Variants in ZNF536 observed in about 807,000 individuals in gnomAD.
ZNF536 encodes the protein zinc finger protein 536.
ZNF536 carries 13 observed loss-of-function variants against 84.5 expected under a neutral mutation model. The ratio of observed to expected loss-of-function variants is 0.15; its 90% CI spans 0.10 to 0.24. ZNF536 has a LOEUF of 0.24. Ranked by LOEUF, ZNF536 falls within the 10% of genes least tolerant of loss-of-function variation. The pLI is 1.00. For synonymous variants in ZNF536, 811 were observed against 742.5 expected (o/e 1.09, Z -1.50); for missense variants, 1,536 against 1,747.5 (o/e 0.88, Z 2.16).
intron 1 of ZNF536, among the ~76,000 whole-genome samples, chr19:30,618,760 A>G (rs954484924): frequency 6.6e-6 from 1 of 151,616 alleles, no homozygotes; most frequent in African/African-American, 2.4e-5. Context: ...TGTTTATTTT[A>G]TTTGTTCCTT....
At chr19:30,667,625 C>CTTT (rs57656065) in intron 1 of ZNF536, among the ~76,000 whole-genome samples, 17 of 124,028 alleles carry the variant, frequency 1.4e-4, no homozygotes, top group Middle Eastern at 8.5e-3. Context: ...TTTTTTCTAG[C>CTTT]TTTTTTTTTT....
In ZNF536 at chr19:30,609,051, C is replaced by T. The variant is rs142718611; in HGVS notation, c.169+59537C>T. 3.4e-3 allele frequency among the ~76,000 whole-genome samples: 524 copies of T among 152,324 alleles called. 4 individuals are homozygous for T. Among genetic ancestry groups the T allele is most frequent in the African/African-American group, 0.012 (501 of 41,582 alleles). Reference sequence around the variant, plus strand: ...CAACATGGTAACTGCTTGCTGAATTCGATGGATAGGAACAGCTAGCAAAGT... The same window carrying T: ...CAACATGGTAACTGCTTGCTGAATTTGATGGATAGGAACAGCTAGCAAAGT... On this transcript the variant is annotated intron_variant, in intron 1 of 1. Coordinates refer to the ZNF536 transcript ENST00000592773.
At chr19:30,703,327 T>C (rs1452930528) in intron 1 of ZNF536, among the ~76,000 whole-genome samples, 1 of 152,158 alleles carries the variant, frequency 6.6e-6, no homozygotes, top group Non-Finnish European at 1.5e-5. Context: ...TGGCAGGTGT[T>C]ACGGGAGCTC....
At chr19:30,633,867 C>A (rs1195611224) in intron 1 of ZNF536, among the ~76,000 whole-genome samples, 1 of 152,116 alleles carries the variant, frequency 6.6e-6, no homozygotes, top group Non-Finnish European at 1.5e-5. Context: ...AGCCATTACA[C>A]CTGGCCAATA....
At position 30,261,650 on chromosome 19, in the gene ZNF536, G is replaced by T. The variant is rs573028747; in HGVS notation, c.-189-22422G>T. ...AGAGTTCAAAGCTCCAGTGAGCTAT[G>T]ATCGCACCACTGCACTCCAGCCTGG... On this transcript the variant is annotated intron_variant, in intron 1 of 5. Coordinates refer to the ZNF536 transcript ENST00000585628. Among the ~76,000 whole-genome samples the T allele has an allele frequency of 2.9e-5, 4 of 140,256 alleles. No homozygotes were observed. In the East Asian group the frequency reaches 8.7e-4, roughly 31 times the overall value. The allele number at this position is 140,256 out of a possible 152,430, so 92.0% of individuals were successfully genotyped here.
rs1055958207 is a variant in ZNF536 at position 30,267,319 on chromosome 19, A to C, written c.-189-16753A>C. Among the ~76,000 whole-genome samples, 4 of 152,220 alleles carry C rather than the reference A, an allele frequency of 2.6e-5. No homozygotes were observed. In the South Asian group the frequency reaches 8.3e-4, roughly 32 times the overall value. The stretch of plus-strand genomic sequence containing the variant: ...AATACATTCCTGATTACTTAGAGAA[A>C]ATATATGTAACAGTGTGACTGTTCC... On this transcript the variant is annotated intron_variant, in intron 1 of 5. Coordinates refer to the ZNF536 transcript ENST00000585628.
chr19:30,451,656 A>G (rs552779287), intron 2 of ZNF536, among the ~76,000 whole-genome samples: 2 of 152,244 alleles, frequency 1.3e-5, no homozygotes, highest in East Asian at 3.9e-4. Flanking sequence ...CAGGCAGGAC[A>G]TGGTTTTGCT....
chr19:30,481,854 G>C (rs530234321), intron 2 of ZNF536, among the ~76,000 whole-genome samples: 7 of 151,650 alleles, frequency 4.6e-5, no homozygotes, highest in Admixed American at 2.6e-4. Flanking sequence ...AAAGTCCATC[G>C]TATCATTCTT....
rs2052276656 is a variant in ZNF536, at chr19:30,445,402, C to T, written c.1840C>T (p.Gln614Ter). 6.2e-7 allele frequency: 1 copy of T among 1,614,214 alleles called. No individual in the cohort carries two copies. The change falls in exon 2 of 5, where the codon CAG becomes TAG. Residue 614 changes from glutamine to a stop codon, truncating the protein, a stop_gained. Coordinates refer to ENST00000355537, the MANE Select transcript of ZNF536 (RefSeq NM_014717.3). LOFTEE classifies it high-confidence loss of function. This position sits in a 1 kb window ranked among gnomAD's most constrained non-coding sequence, Gnocchi z 4.5. ...SRDFLSHGLN[Q>*]TLEYNLQGPG... is the part of the protein sequence containing the mutation. ...GGATTTTTTGTCACACGGGCTGAAC[C>T]AGACTCTCGAGTATAACCTGCAGGG...
chr19:30,711,769 A>T (rs1307613785), exon 2 of ZNF536: 2 of 152,182 alleles, frequency 1.3e-5, no homozygotes, highest in Non-Finnish European at 2.9e-5. Context: ...TTTTAAAAAA[A>T]AATTTTGGAT....
intron 1 of ZNF536, among the ~76,000 whole-genome samples, chr19:30,374,661 C>T (rs931105269): frequency 6.7e-6 from 1 of 149,852 alleles, no homozygotes; most frequent in African/African-American, 2.5e-5. Context: ...AGAAAACAAA[C>T]CCAAGGAAAA....
At chr19:30,658,420 G>T (rs929288254) in intron 1 of ZNF536, among the ~76,000 whole-genome samples, 3 of 152,032 alleles carry the variant, frequency 2.0e-5, no homozygotes, top group Non-Finnish European at 4.4e-5. Context: ...CTCAAGCTCT[G>T]CTCCAACCCA....
At chr19:30,332,459 G>A (rs940840541) in intron 2 of ZNF536, among the ~76,000 whole-genome samples, 5 of 151,940 alleles carry the variant, frequency 3.3e-5, no homozygotes, top group South Asian at 2.1e-4. Flanking sequence ...CTGCCCATGC[G>A]TGTCCTCCTG....
intron 1 of ZNF536, among the ~76,000 whole-genome samples, chr19:30,577,095 CA>C (rs1239586018): frequency 6.6e-6 from 1 of 152,154 alleles, no homozygotes; most frequent in African/African-American, 2.4e-5. Flanking sequence ...AAGCAAAAGC[CA>C]CCAACTCTTC....
chr19:30,484,970 C>T (rs962484396), intron 2 of ZNF536, among the ~76,000 whole-genome samples: 3 of 151,714 alleles, frequency 2.0e-5, no homozygotes, highest in Admixed American at 6.6e-5. Flanking sequence ...GGTGAAACCC[C>T]GTCTCTACTA....
chr19:30,262,379 C>A (rs953083835), intron 1 of ZNF536, among the ~76,000 whole-genome samples: 1 of 152,244 alleles, frequency 6.6e-6, no homozygotes, highest in African/African-American at 2.4e-5. Flanking sequence ...CCTTGTAACT[C>A]TGGGCTGATG....
chr19:30,330,865 C>G (rs62101883), intron 2 of ZNF536, among the ~76,000 whole-genome samples: 40,250 of 152,108 alleles, frequency 0.26, 6,842 homozygotes, highest in Non-Finnish European at 0.38. Flanking sequence ...GAGTTAGGAC[C>G]TCTGATTCTC....
At chr19:30,569,945 A>G (rs911933608) in intron 1 of ZNF536, among the ~76,000 whole-genome samples, 3 of 152,132 alleles carry the variant, frequency 2.0e-5, no homozygotes, top group African/African-American at 4.8e-5. Context: ...GTTCTCAGCT[A>G]GGGGCAATGT....
chr19:30,539,961 A>G (rs1048261289), intron 3 of ZNF536, among the ~76,000 whole-genome samples: 3 of 152,246 alleles, frequency 2.0e-5, no homozygotes, highest in African/African-American at 7.2e-5. Context: ...ACTTGGAGGC[A>G]TGAAAGTTCA....
Sources: allele counts gnomAD v4.1 joint callset (sites outside exome capture counted in the v4.1 genomes callset), GRCh38; gene constraint gnomAD v4.1.1; non-coding constraint Gnocchi (gnomAD v3.1); transcripts MANE v1.5; gene names NCBI Gene and HGNC (gene_info 2026-07-23, HGNC 2026-07-21).